Variants in FKBP4 observed in about 807,000 individuals in gnomAD.
FKBP4 encodes the protein FKBP prolyl isomerase 4, also known as peptidyl-prolyl cis-trans isomerase FKBP4.
Under a neutral mutation model 54.1 loss-of-function variants are expected in FKBP4, and 28 were observed. The ratio of observed to expected loss-of-function variants is 0.52; its 90% CI spans 0.38 to 0.71. The LOEUF is 0.71. Ranked by LOEUF, FKBP4 falls within the 30% of genes least tolerant of loss-of-function variation. FKBP4 has a pLI of 0.00. For missense variants in FKBP4, 493 were observed against 574.4 expected (o/e 0.86, Z 1.45); for synonymous variants, 223 against 216.1 (o/e 1.03, Z -0.28).
In FKBP4 at chr12:2,799,076, C is replaced by A. The variant is rs558632124; in HGVS notation, c.515-12C>A. 3.3e-6 allele frequency: 5 copies of A among 1,524,228 alleles called. No homozygotes were observed. In the East Asian group the frequency reaches 1.1e-4, roughly 35 times the overall value. The allele number at this position is 1,524,228 out of a possible 1,614,324, so 94.4% of individuals were successfully genotyped here. On this transcript the variant is annotated splice_polypyrimidine_tract_variant and intron_variant, in intron 4 of 9. Coordinates refer to ENST00000001008, the MANE Select transcript of FKBP4 (RefSeq NM_002014.4). ...CTTACAACTCTGGTACACTGCCTCT[C>A]TTTCATGCCAGTTGCACTGGAAGGG...
At chr12:2,796,255 T>C (rs1167046200) in intron 1 of FKBP4, 2 of 1,289,224 alleles carry the variant, frequency 1.6e-6, no homozygotes, top group Non-Finnish European at 2.0e-6. Flanking sequence ...TGCATCTGTC[T>C]TTGCACCAGA....
chr12:2,801,562 G>C (rs2153920446), intron 9 of FKBP4: 1 of 730,936 alleles, frequency 1.4e-6, no homozygotes, highest in African/African-American at 1.7e-5. Context: ...CCCAGAAGTT[G>C]GGTTGGTTGC....
chr12:2,800,547 C>G lies in FKBP4; in HGVS notation c.1002C>G (p.Ala334=), dbSNP rs751745589. The G allele has an allele frequency of 6.2e-7, 1 of 1,613,056 alleles. No homozygotes were observed. Among genetic ancestry groups the G allele is most frequent in the Admixed American group, 1.7e-5 (1 of 59,830 alleles). ...NLAMCHLKLQ[A]FSAAIESCNK... Reference sequence around the variant, plus strand: ...CCATGTGTCATCTGAAACTACAGGCCTTCTCTGCTGCCATTGAAAGCTGTA... The same window carrying G: ...CCATGTGTCATCTGAAACTACAGGCGTTCTCTGCTGCCATTGAAAGCTGTA... Residue 334 remains alanine, a synonymous_variant, in exon 8 of 10, where the codon GCC becomes GCG. Coordinates refer to ENST00000001008, the MANE Select transcript of FKBP4 (RefSeq NM_002014.4).
In FKBP4 at chr12:2,796,406, T is replaced by C. The variant is rs2097901880; in HGVS notation, c.106-732T>C. The C allele has an allele frequency of 5.2e-5, 67 of 1,287,258 alleles. 2 individuals carry two copies. In the Middle Eastern group the frequency reaches 1.3e-3, roughly 25 times the overall value. The allele number at this position is 1,287,258 out of a possible 1,614,324, so 79.7% of individuals were successfully genotyped here. A position where few individuals can be genotyped will look rare whatever the true frequency, so the allele number is the denominator to read the frequency against. ...CCCCTTTGATCCATCATTCCTTCCC[T>C]TTTACCTTTCTACTCCTCAAAGCCC... On this transcript the variant is annotated intron_variant, in intron 1 of 9. Transcript: ENST00000001008.
rs1464689771 is a variant in FKBP4, at chr12:2,797,347, C to T, written c.250+65C>T. ...GGACACAAGCTGTCACAAGCAGAAA[C>T]CATTTTCTCAGGACCAAGCTCAGGG... On this transcript the variant is annotated intron_variant, in intron 2 of 9. Coordinates refer to ENST00000001008, the MANE Select transcript of FKBP4 (RefSeq NM_002014.4). The T allele has an allele frequency of 2.5e-6, 4 of 1,589,640 alleles. No individual in the cohort carries two copies. The East Asian group carries it at 9.0e-5, about 36-fold the overall frequency.
intron 1 of FKBP4, chr12:2,796,233 C>T (rs992803060): frequency 4.7e-6 from 6 of 1,289,178 alleles, no homozygotes; most frequent in Non-Finnish European, 6.1e-6. Flanking sequence ...GGGCCTTTAC[C>T]TGGTCCAGAA....
chr12:2,800,035 GC>G lies in FKBP4; in HGVS notation c.763-3del, dbSNP rs1313472874. On this transcript the variant is annotated splice_region_variant and splice_polypyrimidine_tract_variant and intron_variant, in intron 6 of 9. Transcript: ENST00000001008. Reference sequence around the variant, plus strand: ...AACTTTGTTTCTCTCCTGGGGTGTGGCAGGCCAAGGAGTCTTGGGAGATGAA... The same window carrying G: ...AACTTTGTTTCTCTCCTGGGGTGTGGAGGCCAAGGAGTCTTGGGAGATGAA... 6.2e-7 allele frequency: 1 copy of G among 1,614,016 alleles called. No homozygotes were observed. Among genetic ancestry groups the G allele is most frequent in the Non-Finnish European group, 8.5e-7 (1 of 1,180,008 alleles).
chr12:2,796,330 T>G, intron 1 of FKBP4: 3 of 1,289,208 alleles, frequency 2.3e-6, no homozygotes, highest in Non-Finnish European at 3.0e-6. Context: ...CCCTTCTCGC[T>G]CCAGCGTCCT....
chr12:2,800,351 C>G, intron 7 of FKBP4, 41 bp from the exon 8 acceptor site: 1 of 1,578,984 alleles, frequency 6.3e-7, no homozygotes, highest in Non-Finnish European at 8.6e-7. Flanking sequence ...CCTAGTACCA[C>G]TGAAACTGTG....
At chr12:2,800,272 G>C in intron 7 of FKBP4, 120 bp from the exon 8 acceptor site, 1 of 1,368,810 alleles carries the variant, frequency 7.3e-7, no homozygotes, top group Non-Finnish European at 1.0e-6. Flanking sequence ...TGCTGGCCTT[G>C]CCAGTGGGAA....
chr12:2,802,926 C>T (rs986187095), intron 9 of FKBP4, among the ~76,000 whole-genome samples: 2 of 152,048 alleles, frequency 1.3e-5, no homozygotes, highest in African/African-American at 4.8e-5. Context: ...TGAGGTTTCA[C>T]CATGTTGCCC....
chr12:2,799,309 T>C (rs1257304945), intron 5 of FKBP4, 65 bp downstream of exon 5: 8 of 1,441,958 alleles, frequency 5.5e-6, no homozygotes, highest in Non-Finnish European at 7.3e-6. Context: ...ATAAAATGAA[T>C]TGTAGAACCA....
At position 2,795,809 on chromosome 12, in the gene FKBP4, G is replaced by A. The variant is rs2097901450; in HGVS notation, c.105+565G>A. On this transcript the variant is annotated intron_variant, in intron 1 of 9. Transcript: ENST00000001008. This position sits in a 1 kb window ranked among gnomAD's most constrained non-coding sequence, Gnocchi z 4.3. ...TGCGACGCAGGCGCGACAGGGTTCCGGCGCCCTCCCGGGGTCCCCTGCCGA... is the reference window on the plus strand; with the variant it reads ...TGCGACGCAGGCGCGACAGGGTTCCAGCGCCCTCCCGGGGTCCCCTGCCGA... 7.3e-6 allele frequency: 2 copies of A among 274,398 alleles called. No homozygotes were observed. The highest frequency in any genetic ancestry group is 1.1e-5 in the Non-Finnish European group (2 of 179,356). 17.0% of individuals were successfully genotyped at this position (274,398 alleles called of 1,614,324 possible). A position where few individuals can be genotyped will look rare whatever the true frequency, so the allele number is the denominator to read the frequency against.
At chr12:2,797,577 A>T in intron 2 of FKBP4, 152 bp from the exon 3 acceptor site, 1 of 938,498 alleles carries the variant, frequency 1.1e-6, no homozygotes, top group Non-Finnish European at 1.6e-6. Context: ...ACCTGGTAGC[A>T]CTTAATACAA....
Position 2,795,197 on chromosome 12 carries a change from A to T in FKBP4, c.58A>T (p.Met20Leu). The T allele has an allele frequency of 2.3e-6, 3 of 1,330,966 alleles. No individual in the cohort carries two copies. Among genetic ancestry groups the T allele is most frequent in the Non-Finnish European group, 2.9e-6 (3 of 1,032,420 alleles). 82.4% of individuals were successfully genotyped at this position (1,330,966 alleles called of 1,614,324 possible). A position where few individuals can be genotyped will look rare whatever the true frequency, so the allele number is the denominator to read the frequency against. The change falls in exon 1 of 10, where the codon ATG becomes TTG. Residue 20 changes from methionine (M) to leucine (L), a missense_variant. Physicochemically the swap from Met to Leu is conservative, Grantham distance 15 (BLOSUM62 2). Transcript: ENST00000001008. The surrounding 1 kb of genome is among the most constrained non-coding windows in gnomAD (Gnocchi z 4.3). Reference protein sequence around the residue: ...ESGAQSAPLPMEGVDISPKQD... With the variant: ...ESGAQSAPLPLEGVDISPKQD... ...CGGGGCGCAGTCGGCGCCGCTGCCC[A>T]TGGAGGGAGTGGACATCAGCCCCAA...
rs754477446 is a variant in FKBP4, at chr12:2,801,322, A to G, written c.1238A>G (p.Asn413Ser). ...GCCCGGGAGAAGAAGCTCTATGCCA[A>G]TATGTTTGAGAGGCTGGCTGAGGAG... Reference protein sequence around the residue: ...QLAREKKLYANMFERLAEEEN... With the variant: ...QLAREKKLYASMFERLAEEEN... Residue 413 changes from asparagine (N) to serine (S), a missense_variant, in exon 9 of 10, where the codon AAT becomes AGT. By Grantham distance (46) the Asn-to-Ser change is conservative (BLOSUM62 1). Coordinates refer to ENST00000001008, the MANE Select transcript of FKBP4 (RefSeq NM_002014.4). 17 of 1,614,076 alleles carry G rather than the reference A, an allele frequency of 1.1e-5. No individual in the cohort carries two copies. The highest frequency in any genetic ancestry group is 1.6e-4 in the Middle Eastern group (1 of 6,074).
chr12:2,803,989 A>G lies in FKBP4; in HGVS notation c.*731A>G, dbSNP rs2097906239. ...TCTGTTCAGCCTTGGAGTGGTGGGT[A>G]TGGGTGGGTACATAATGGGTAGTAG... On this transcript the variant is annotated 3_prime_UTR_variant, in exon 10 of 10. Coordinates refer to ENST00000001008, the MANE Select transcript of FKBP4 (RefSeq NM_002014.4). The G allele has an allele frequency of 6.5e-6, 1 of 152,748 alleles. No individual in the cohort carries two copies. The highest frequency in any genetic ancestry group is 1.5e-5 in the Non-Finnish European group (1 of 68,124). The allele number at this position is 152,748 out of a possible 1,614,324, so 9.5% of individuals were successfully genotyped here.
At position 2,803,312 on chromosome 12, in the gene FKBP4, C is replaced by G. The variant is rs2097905889; in HGVS notation, c.*54C>G. ...CTGCCTGCCCCCCAGTCTCCCCACT[C>G]CACCCTGTTAGTTTTGTAAAAACTG... On this transcript the variant is annotated 3_prime_UTR_variant, in exon 10 of 10. Transcript: ENST00000001008. 1 of 1,249,324 alleles carries G rather than the reference C, an allele frequency of 8.0e-7. No individual in the cohort carries two copies. The highest frequency in any genetic ancestry group is 2.0e-5 in the Admixed American group (1 of 50,102). 77.4% of individuals were successfully genotyped at this position (1,249,324 alleles called of 1,614,324 possible). A position where few individuals can be genotyped will look rare whatever the true frequency, so the allele number is the denominator to read the frequency against.
Position 2,801,140 on chromosome 12 carries a change from C to G in FKBP4, c.1056C>G (p.Asn352Lys). 1 of 1,613,898 alleles carries G rather than the reference C, an allele frequency of 6.2e-7. No homozygotes were observed. The change falls in exon 9 of 10, where the codon AAC becomes AAG. Residue 352 changes from asparagine (N) to lysine (K), a missense_variant. Asn to Lys is a moderately conservative substitution (Grantham distance 94, BLOSUM62 0). Transcript: ENST00000001008. Reference protein sequence around the residue: ...CNKALELDSNNEKGLFRRGEA... With the variant: ...CNKALELDSNKEKGLFRRGEA... ...AGGCCCTAGAACTGGACAGCAACAA[C>G]GAGAAGGGCCTCTTCCGCCGGGGAG...
Sources: gnomAD v4.1 joint callset for allele counts (sites outside exome capture counted in the v4.1 genomes callset) on GRCh38, gnomAD v4.1.1 for gene constraint, Gnocchi (gnomAD v3.1) non-coding constraint, MANE v1.5 for transcripts, NCBI Gene and HGNC (gene_info 2026-07-23, HGNC 2026-07-21) for gene names.